Variants in TWIST2 observed in about 807,000 individuals in gnomAD.
TWIST2 encodes twist-related protein 2.
TWIST2 carries 1 observed loss-of-function variant against 11.6 expected under a neutral mutation model. That is an observed-to-expected ratio of 0.09 (90% CI 0.03 to 0.41). The LOEUF (loss-of-function observed/expected upper bound fraction) is 0.41. Ranked by LOEUF, TWIST2 falls within the 10% of genes least tolerant of loss-of-function variation. The pLI is 0.98. For synonymous variants in TWIST2, 87 were observed against 96.6 expected (o/e 0.90, Z 0.58); for missense variants, 168 against 226.4 (o/e 0.74, Z 1.66).
chr2:238,852,889 T>A lies in TWIST2; in HGVS notation c.*35+4156T>A, dbSNP rs990088636. 3.0e-4 allele frequency among the ~76,000 whole-genome samples: 45 copies of A among 152,240 alleles called. 2 individuals are homozygous for A. The highest frequency in any genetic ancestry group is 8.8e-5 in the Non-Finnish European group (6 of 68,052). ...CAAAATTAAAATAAAAAAGATATTCTACAAAAGTATTAAATCTATATATTT... is the reference window on the plus strand; with the variant it reads ...CAAAATTAAAATAAAAAAGATATTCAACAAAAGTATTAAATCTATATATTT... On this transcript the variant is annotated intron_variant, in intron 1 of 1. Coordinates refer to ENST00000612363, the MANE Select transcript of TWIST2 (RefSeq NM_001271893.4).
chr2:238,903,019 ATG>A (rs1491449910), intron 1 of TWIST2, among the ~76,000 whole-genome samples: 2 of 5,642 alleles, frequency 3.5e-4, no homozygotes, highest in South Asian at 6.5e-3. Flanking sequence ...GGTGTGTGTG[ATG>A]TGGGTGTGTG....
At position 238,910,305 on chromosome 2, in the gene TWIST2, C is replaced by G. The variant is rs1009872064; in HGVS notation, c.*499C>G. 6.6e-6 allele frequency: 1 copy of G among 152,060 alleles called. No homozygotes were observed. The highest frequency in any genetic ancestry group is 1.5e-5 in the Non-Finnish European group (1 of 68,014). The allele number at this position is 152,060 out of a possible 1,614,324, so 9.4% of individuals were successfully genotyped here. A position where few individuals can be genotyped will look rare whatever the true frequency, so the allele number is the denominator to read the frequency against. The stretch of plus-strand genomic sequence containing the variant: ...AGGACCCCCGAGTTCCTTCCCCTCC[C>G]CCGAGCCTCTGCATGATTGTTTCAA... On this transcript the variant is annotated 3_prime_UTR_variant, in exon 2 of 2. Coordinates refer to ENST00000612363, the MANE Select transcript of TWIST2 (RefSeq NM_001271893.4).
chr2:238,908,681 GGGGT>G (rs1461004239), intron 1 of TWIST2, among the ~76,000 whole-genome samples: 3 of 152,066 alleles, frequency 2.0e-5, no homozygotes, highest in Non-Finnish European at 2.9e-5. Context: ...TGCAGTGTGT[GGGGT>G]GTGTGTAGTA....
At chr2:238,873,728 C>T (rs970699153) in intron 1 of TWIST2, among the ~76,000 whole-genome samples, 5 of 152,050 alleles carry the variant, frequency 3.3e-5, no homozygotes, top group Admixed American at 6.5e-5. Flanking sequence ...AAATCTGGGC[C>T]GAGAGTCACG....
At chr2:238,899,405 A>G (rs1693243391) in intron 1 of TWIST2, among the ~76,000 whole-genome samples, 1 of 152,242 alleles carries the variant, frequency 6.6e-6, no homozygotes, top group Admixed American at 6.5e-5. Context: ...GAAGTAGCTC[A>G]TTGAGCCCTC....
At chr2:238,906,783 C>G (rs1459024573) in intron 1 of TWIST2, among the ~76,000 whole-genome samples, 1 of 152,212 alleles carries the variant, frequency 6.6e-6, no homozygotes, top group Non-Finnish European at 1.5e-5. Flanking sequence ...TGACCCCTCT[C>G]CTGGCGGCCG....
intron 1 of TWIST2, among the ~76,000 whole-genome samples, chr2:238,853,411 GGGAGAGAT>G (rs1692275420): frequency 6.8e-6 from 1 of 147,636 alleles, no homozygotes; most frequent in Non-Finnish European, 1.5e-5. Flanking sequence ...GAGGGAGAGA[GGGAGAGAT>G]GGAGAGAGAG....
intron 1 of TWIST2, among the ~76,000 whole-genome samples, chr2:238,849,933 C>A (rs901124858): frequency 6.6e-6 from 1 of 152,234 alleles, no homozygotes; most frequent in African/African-American, 2.4e-5. Context: ...CCTCGCACAT[C>A]TTGCGATGTT....
chr2:238,907,151 C>A (rs1184757859), intron 1 of TWIST2, among the ~76,000 whole-genome samples: 2 of 152,286 alleles, frequency 1.3e-5, no homozygotes, highest in Admixed American at 1.3e-4. Context: ...CAGAAGCGGC[C>A]CTGAGGCGCG....
chr2:238,884,080 C>T (rs190655982), intron 1 of TWIST2, among the ~76,000 whole-genome samples: 4 of 152,306 alleles, frequency 2.6e-5, no homozygotes, highest in Non-Finnish European at 5.9e-5. Context: ...GAAATCTGTC[C>T]TCAAAGTTCA....
chr2:238,879,566 T>A (rs539160548), intron 1 of TWIST2, among the ~76,000 whole-genome samples: 1 of 152,144 alleles, frequency 6.6e-6, no homozygotes, highest in Non-Finnish European at 1.5e-5. Flanking sequence ...CCACTACCCA[T>A]CCCCTATTCT....
intron 1 of TWIST2, among the ~76,000 whole-genome samples, chr2:238,894,925 G>A (rs1225156488): frequency 6.6e-6 from 1 of 152,200 alleles, no homozygotes; most frequent in East Asian, 1.9e-4. Flanking sequence ...TAGCAAGCTT[G>A]TTGCAGACCT....
chr2:238,868,319 G>GC (rs1472430931), intron 1 of TWIST2, among the ~76,000 whole-genome samples: 1 of 152,184 alleles, frequency 6.6e-6, no homozygotes, highest in Non-Finnish European at 1.5e-5. Flanking sequence ...AGTGCCGGGA[G>GC]CCCCCCGCCC....
In TWIST2 at chr2:238,879,282, G is replaced by A. The variant is rs560686351; in HGVS notation, c.*35+30549G>A. On this transcript the variant is annotated intron_variant, in intron 1 of 1. Transcript: ENST00000612363. The stretch of plus-strand genomic sequence containing the variant: ...TCTGCTGGGCTGAGTGGGGGTGGGG[G>A]TAGAACATCAGAAGTGGATGACCTC... Among the ~76,000 whole-genome samples the A allele has an allele frequency of 3.3e-5, 5 of 152,226 alleles. No homozygotes were observed. In the East Asian group the frequency reaches 9.7e-4, roughly 29 times the overall value.
chr2:238,883,670 G>T (rs1396218201), intron 1 of TWIST2, among the ~76,000 whole-genome samples: 1 of 152,160 alleles, frequency 6.6e-6, no homozygotes, highest in African/African-American at 2.4e-5. Context: ...CCAGGAAGGG[G>T]CTCCGAGCAC....
chr2:238,895,878 C>G (rs1693201090), intron 1 of TWIST2, among the ~76,000 whole-genome samples: 1 of 152,168 alleles, frequency 6.6e-6, no homozygotes, highest in Admixed American at 6.5e-5. Flanking sequence ...CGCCCTCTCC[C>G]CTGGTTTCCT....
chr2:238,897,654 A>G (rs1237494802), intron 1 of TWIST2, among the ~76,000 whole-genome samples: 5 of 152,056 alleles, frequency 3.3e-5, no homozygotes, highest in Admixed American at 3.3e-4. Flanking sequence ...CACACTCTCT[A>G]CCGTGAAAGC....
intron 1 of TWIST2, among the ~76,000 whole-genome samples, chr2:238,893,979 C>G (rs1693178892): frequency 6.6e-6 from 1 of 152,126 alleles, no homozygotes; most frequent in East Asian, 1.9e-4. Context: ...TACCACGTGC[C>G]TCCTTCCCAG....
intron 1 of TWIST2, among the ~76,000 whole-genome samples, chr2:238,858,807 G>A (rs1692376027): frequency 6.6e-6 from 1 of 152,152 alleles, no homozygotes; most frequent in South Asian, 2.1e-4. Context: ...GTACATGAAT[G>A]TTCATAGCAA....
Sources: gnomAD v4.1 joint callset for allele counts (sites outside exome capture counted in the v4.1 genomes callset) on GRCh38, gnomAD v4.1.1 for gene constraint, MANE v1.5 for transcripts, NCBI Gene and HGNC (gene_info 2026-07-23, HGNC 2026-07-21) for gene names.